SMIM35: variants seen among roughly 807,000 people sequenced by gnomAD.
SMIM35 encodes the protein small integral membrane protein 35.
chr11:118,016,795 T>C (rs768156981), intron 1 of SMIM35, among the ~76,000 whole-genome samples: 11 of 152,218 alleles, frequency 7.2e-5, no homozygotes, highest in Non-Finnish European at 1.6e-4. Context: ...ATACCACATG[T>C]AGAGAGCACT....
At chr11:118,025,632 T>C in intron 1 of SMIM35, 1 of 446,112 alleles carries the variant, frequency 2.2e-6, no homozygotes, top group South Asian at 1.6e-5. Context: ...CACTTTTTAA[T>C]GGGGTTATTT....
At chr11:118,059,111 A>C (rs1944359091) in intron 1 of SMIM35, 1 of 152,256 alleles carries the variant, frequency 6.6e-6, no homozygotes, top group Admixed American at 6.5e-5. Context: ...CACTGCCGGC[A>C]CCTACCCCAA....
chr11:118,032,539 G>A (rs2058327985), intron 1 of SMIM35, among the ~76,000 whole-genome samples: 1 of 152,126 alleles, frequency 6.6e-6, no homozygotes, highest in South Asian at 2.1e-4. Context: ...GTAGGAAAGA[G>A]CTTTTGTTTT....
intron 1 of SMIM35, among the ~76,000 whole-genome samples, chr11:118,077,972 C>T (rs1944796986): frequency 8.4e-6 from 1 of 119,758 alleles, no homozygotes; most frequent in South Asian, 2.7e-4. Flanking sequence ...AAGATTGTGC[C>T]ATTGCACTCC....
intron 1 of SMIM35, among the ~76,000 whole-genome samples, chr11:118,075,447 T>C (rs920871431): frequency 1.3e-5 from 2 of 152,340 alleles, no homozygotes; most frequent in South Asian, 4.1e-4. Flanking sequence ...GGGTCCTCCA[T>C]GGGCCATATT....
intron 4 of SMIM35, among the ~76,000 whole-genome samples, chr11:118,009,310 A>C (rs1211166034): frequency 6.6e-6 from 1 of 152,208 alleles, no homozygotes; most frequent in East Asian, 1.9e-4. Context: ...TGAGGCTAGA[A>C]GTGGGTGACA....
At chr11:118,059,452 C>G (rs935751509) in intron 1 of SMIM35, 2 of 152,212 alleles carry the variant, frequency 1.3e-5, no homozygotes, top group Admixed American at 6.5e-5. Context: ...TGCCACTCAC[C>G]GAGGGCTCAC....
At chr11:118,085,213 A>G (rs1416945608) in intron 1 of SMIM35, among the ~76,000 whole-genome samples, 1 of 136,848 alleles carries the variant, frequency 7.3e-6, no homozygotes, top group African/African-American at 2.6e-5. Context: ...TGGAGGAGTC[A>G]GATCTTCTTC....
chr11:118,061,060 C>T (rs150773147), intron 1 of SMIM35, among the ~76,000 whole-genome samples: 19 of 152,330 alleles, frequency 1.2e-4, no homozygotes, highest in African/African-American at 4.6e-4. Context: ...TCTGCTGAGT[C>T]ACCCATTCTA....
chr11:118,014,122 A>G (rs2058164501), intron 3 of SMIM35, among the ~76,000 whole-genome samples: 1 of 152,304 alleles, frequency 6.6e-6, no homozygotes, highest in South Asian at 2.1e-4. Context: ...ATTTTCTGAT[A>G]TGCTCTTCTT....
intron 1 of SMIM35, among the ~76,000 whole-genome samples, chr11:118,060,595 G>A (rs1044714839): frequency 1.3e-5 from 2 of 152,144 alleles, no homozygotes; most frequent in Non-Finnish European, 2.9e-5. Context: ...GTCCTTGGCC[G>A]CCTTTCTTCT....
chr11:118,084,030 T>G (rs1022651321), intron 1 of SMIM35, among the ~76,000 whole-genome samples: 4 of 152,104 alleles, frequency 2.6e-5, no homozygotes, highest in Non-Finnish European at 5.9e-5. Flanking sequence ...AGAGCGAGAC[T>G]CCATCTCAAA....
At chr11:118,059,188 A>T (rs543984104) in intron 1 of SMIM35, 1 of 152,516 alleles carries the variant, frequency 6.6e-6, no homozygotes, top group East Asian at 1.9e-4. Flanking sequence ...CATCCTGTAG[A>T]GGAGTTATAA....
At chr11:118,043,368 T>C (rs1944036868) in intron 1 of SMIM35, among the ~76,000 whole-genome samples, 1 of 151,942 alleles carries the variant, frequency 6.6e-6, no homozygotes, top group Non-Finnish European at 1.5e-5. Context: ...TATTCGGTCA[T>C]ATAAAGAAAT....
At chr11:118,060,719 C>T (rs1162553493) in intron 1 of SMIM35, among the ~76,000 whole-genome samples, 1 of 152,162 alleles carries the variant, frequency 6.6e-6, no homozygotes, top group Non-Finnish European at 1.5e-5. Context: ...CTGTTCCCCT[C>T]GCCACCCCTT....
chr11:118,075,479 G>A (rs577485319), intron 1 of SMIM35, among the ~76,000 whole-genome samples: 6 of 152,230 alleles, frequency 3.9e-5, no homozygotes, highest in Non-Finnish European at 7.3e-5. Context: ...TGAACCTGGG[G>A]CTTTCAAACA....
At chr11:118,082,433 C>G (rs1199670490) in intron 1 of SMIM35, among the ~76,000 whole-genome samples, 1 of 152,000 alleles carries the variant, frequency 6.6e-6, no homozygotes, top group Non-Finnish European at 1.5e-5. Flanking sequence ...CAGTAGCTCA[C>G]GCCTGTAATC....
At chr11:118,023,752 G>C (rs1245182716) in intron 1 of SMIM35, among the ~76,000 whole-genome samples, 1 of 152,104 alleles carries the variant, frequency 6.6e-6, no homozygotes, top group Non-Finnish European at 1.5e-5. Context: ...AAATGAAAAA[G>C]CTGGGCGTGG....
At chr11:118,082,091 C>T (rs1945180549) in intron 1 of SMIM35, among the ~76,000 whole-genome samples, 1 of 152,146 alleles carries the variant, frequency 6.6e-6, no homozygotes, top group Admixed American at 6.5e-5. Context: ...TGTCCGGACA[C>T]GTAGGAGTCA....
Sources: gnomAD v4.1 joint callset for allele counts (sites outside exome capture counted in the v4.1 genomes callset) on GRCh38, gnomAD v4.1.1 for gene constraint, MANE v1.5 for transcripts, NCBI Gene and HGNC (gene_info 2026-07-23, HGNC 2026-07-21) for gene names.